PIK3R1: variants seen among roughly 807,000 people sequenced by gnomAD.
The protein encoded by PIK3R1 is phosphatidylinositol 3-kinase regulatory subunit alpha.
A neutral mutation model predicts 98.0 loss-of-function variants in PIK3R1; 29 were observed. The observed-to-expected ratio is 0.30, with a 90% CI of 0.22 to 0.40. PIK3R1 has a LOEUF of 0.40. Among genes scored for constraint, PIK3R1 ranks in the 10% least tolerant of loss-of-function variants. The pLI, the probability that PIK3R1 is intolerant of heterozygous loss-of-function variation, is 1.00. For synonymous variants in PIK3R1, 282 were observed against 311.8 expected (o/e 0.90, Z 1.01); for missense variants, 596 against 872.7 (o/e 0.68, Z 3.99).
Position 68,279,653 on chromosome 5 carries a change from C to T in PIK3R1, c.554C>T (p.Ala185Val), listed in dbSNP as rs1264292969. Reference sequence around the variant, plus strand: ...ATCGATGTGCACGTTTTGGCTGACGCTTTCAAACGCTATCTCCTGGACTTA... The same window carrying T: ...ATCGATGTGCACGTTTTGGCTGACGTTTTCAAACGCTATCTCCTGGACTTA... ...EMIDVHVLAD[A>V]FKRYLLDLPN... Residue 185 changes from alanine to valine, a missense_variant, in exon 5 of 16, where the codon GCT becomes GTT. Around this residue, in one of 3 missense-constraint regions of PIK3R1, gnomAD observed 352 missense variants for 393.3 expected, o/e 0.90. Coordinates refer to ENST00000521381, the MANE Select transcript of PIK3R1 (RefSeq NM_181523.3). The T allele has an allele frequency of 6.2e-7, 1 of 1,613,980 alleles. No homozygotes were observed. Among genetic ancestry groups the T allele is most frequent in the South Asian group, 1.1e-5 (1 of 91,084 alleles).
chr5:68,296,375 T>C (rs1207229852), intron 15 of PIK3R1, 34 bp downstream of exon 15: 7 of 1,564,496 alleles, frequency 4.5e-6, no homozygotes, highest in Non-Finnish European at 6.1e-6. Context: ...CTTTACAACA[T>C]CTCATGAAGA....
At chr5:68,262,674 T>C (rs62652517) in intron 2 of PIK3R1, among the ~76,000 whole-genome samples, 332 of 27,804 alleles carry the variant, frequency 0.012, 4 homozygotes, top group Middle Eastern at 0.021. Context: ...CACATGTAGA[T>C]ACATGTATCT....
intron 2 of PIK3R1, among the ~76,000 whole-genome samples, chr5:68,247,316 A>T (rs539919590): frequency 6.6e-6 from 1 of 152,242 alleles, no homozygotes; most frequent in South Asian, 2.1e-4. Context: ...TTGATTTTGA[A>T]AACATTTTTC....
intron 2 of PIK3R1, among the ~76,000 whole-genome samples, chr5:68,245,884 A>G (rs1410552706): frequency 2.6e-5 from 4 of 152,234 alleles, no homozygotes; most frequent in Non-Finnish European, 5.9e-5. Flanking sequence ...CAAAGAAGAA[A>G]TGAAGTTAGA....
chr5:68,297,375 C>G (rs775876727), intron 15 of PIK3R1, 37 bp from the exon 16 acceptor site: 3 of 1,532,650 alleles, frequency 2.0e-6, no homozygotes, highest in Non-Finnish European at 2.7e-6. Context: ...TTGTCTTGGA[C>G]AAGCTCAAAA....
chr5:68,231,599 G>A (rs1744480598), intron 2 of PIK3R1, among the ~76,000 whole-genome samples: 2 of 152,322 alleles, frequency 1.3e-5, no homozygotes, highest in South Asian at 4.1e-4. Flanking sequence ...ACTGTACAGA[G>A]GTCACAGAAA....
chr5:68,289,759 CAA>C (rs71305021), intron 7 of PIK3R1, among the ~76,000 whole-genome samples: 10,064 of 51,162 alleles, frequency 0.2, 259 homozygotes, highest in African/African-American at 0.31. Flanking sequence ...GGGGGAAAAG[CAA>C]AAAAAAAAAA....
intron 2 of PIK3R1, among the ~76,000 whole-genome samples, chr5:68,232,126 AATT>A (rs1346226240): frequency 6.6e-6 from 1 of 152,192 alleles, no homozygotes. Context: ...CAAATGTGCT[AATT>A]ATTTTGAATA....
In PIK3R1 at chr5:68,226,943, C is replaced by G. The variant is rs141974044; in HGVS notation, c.268C>G (p.Arg90Gly). Reference protein sequence around the residue: ...KKISPPTPKPRPPRPLPVAPG... With the variant: ...KKISPPTPKPGPPRPLPVAPG... ...AATCTCGCCTCCCACACCAAAGCCC[C>G]GGCCACCTCGGCCTCTTCCTGTTGC... Residue 90 changes from arginine (R) to glycine (G), a missense_variant, in exon 2 of 16, where the codon CGG (arginine) becomes GGG (glycine). Physicochemically the swap from Arg to Gly is moderately radical, Grantham distance 125 (BLOSUM62 -2). Around this residue, in one of 3 missense-constraint regions of PIK3R1, gnomAD observed 352 missense variants for 393.3 expected, o/e 0.90. Transcript: ENST00000521381. 6.2e-7 allele frequency: 1 copy of G among 1,614,088 alleles called. No homozygotes were observed. The highest frequency in any genetic ancestry group is 8.5e-7 in the Non-Finnish European group (1 of 1,180,006).
At chr5:68,216,127 C>G (rs1169151902) in intron 1 of PIK3R1, among the ~76,000 whole-genome samples, 178 bp downstream of exon 1, 1 of 151,910 alleles carries the variant, frequency 6.6e-6, no homozygotes, top group Non-Finnish European at 1.5e-5. Context: ...TCCTGGCCGC[C>G]GGGCAGCACT....
At chr5:68,267,975 G>A (rs1746192242) in intron 2 of PIK3R1, among the ~76,000 whole-genome samples, 3 of 151,960 alleles carry the variant, frequency 2.0e-5, no homozygotes, top group Admixed American at 2.0e-4. Flanking sequence ...AATTGCAATC[G>A]GGTATTTCCA....
intron 1 of PIK3R1, among the ~76,000 whole-genome samples, chr5:68,218,599 C>G (rs1743983294): frequency 6.6e-6 from 1 of 151,918 alleles, no homozygotes; most frequent in Non-Finnish European, 1.5e-5. Context: ...AATGAGCAGG[C>G]TGAAAAAAAA....
chr5:68,240,566 A>G (rs898861257), intron 2 of PIK3R1, among the ~76,000 whole-genome samples: 1 of 152,218 alleles, frequency 6.6e-6, no homozygotes, highest in African/African-American at 2.4e-5. Context: ...AAGATGCAAA[A>G]AATGTTTACT....
intron 2 of PIK3R1, among the ~76,000 whole-genome samples, chr5:68,233,423 G>A (rs895947883): frequency 1.3e-5 from 2 of 152,174 alleles, no homozygotes; most frequent in Non-Finnish European, 1.5e-5. Flanking sequence ...TATAGCATTC[G>A]ATATCAAAGC....
intron 10 of PIK3R1, 107 bp downstream of exon 10, chr5:68,293,590 AC>A: frequency 8.4e-7 from 1 of 1,187,950 alleles, no homozygotes; most frequent in South Asian, 1.5e-5. Context: ...AGTCTAAAAA[AC>A]TTGACACTCG....
chr5:68,224,952 A>C (rs1257240240), intron 1 of PIK3R1, among the ~76,000 whole-genome samples: 1 of 152,244 alleles, frequency 6.6e-6, no homozygotes, highest in African/African-American at 2.4e-5. Context: ...GGTCTGTAGC[A>C]ACCATTGCTA....
At chr5:68,279,933 G>A (rs1746755948) in intron 5 of PIK3R1, among the ~76,000 whole-genome samples, 200 bp downstream of exon 5, 1 of 152,164 alleles carries the variant, frequency 6.6e-6, no homozygotes, top group South Asian at 2.1e-4. Context: ...TGGGAAGCCC[G>A]TCTGCATGTC....
chr5:68,218,027 C>T (rs777921560), intron 1 of PIK3R1, among the ~76,000 whole-genome samples: 2 of 152,140 alleles, frequency 1.3e-5, no homozygotes, highest in Admixed American at 6.5e-5. Flanking sequence ...CAGTGAGTCT[C>T]TTCCTATCCA....
At chr5:68,225,407 C>T (rs114198607) in intron 1 of PIK3R1, among the ~76,000 whole-genome samples, 53 of 152,292 alleles carry the variant, frequency 3.5e-4, no homozygotes, top group African/African-American at 1.1e-3. Flanking sequence ...CCAGAATCAC[C>T]GTCAGCCCAT....
Sources: gnomAD v4.1 joint callset for allele counts (sites outside exome capture counted in the v4.1 genomes callset) on GRCh38, gnomAD v4.1.1 for gene constraint, gnomAD v4.1.1 regional missense constraint, MANE v1.5 for transcripts, NCBI Gene and HGNC (gene_info 2026-07-23, HGNC 2026-07-21) for gene names.